The following SLC4A5 variants were observed in gnomAD, a reference collection of about 807,000 sequenced individuals.
SLC4A5 encodes the protein solute carrier family 4 member 5.
Under a neutral mutation model 120.4 loss-of-function variants are expected in SLC4A5, and 96 were observed. The observed-to-expected ratio is 0.80, with a 90% CI of 0.68 to 0.94. The LOEUF is 0.94. Among genes scored for constraint, SLC4A5 ranks in the 40% least tolerant of loss-of-function variants. The pLI, the probability that SLC4A5 is intolerant of heterozygous loss-of-function variation, is 0.00. For missense variants in SLC4A5, 1,259 were observed against 1,459.5 expected (o/e 0.86, Z 2.24); for synonymous variants, 550 against 571.1 (o/e 0.96, Z 0.53).
chr2:74,318,285 A>C (rs2104307575), intron 5 of SLC4A5, among the ~76,000 whole-genome samples: 1 of 152,346 alleles, frequency 6.6e-6, no homozygotes, highest in South Asian at 2.1e-4. Context: ...AAGACACATA[A>C]ATGGCCAACA....
chr2:74,333,567 C>T (rs1445124004), intron 4 of SLC4A5, among the ~76,000 whole-genome samples: 1 of 152,120 alleles, frequency 6.6e-6, no homozygotes, highest in Non-Finnish European at 1.5e-5. Flanking sequence ...ATTAGGTATT[C>T]GAAGTAATCT....
At chr2:74,307,947 G>T in intron 6 of SLC4A5, 1 of 531,758 alleles carries the variant, frequency 1.9e-6, no homozygotes, top group South Asian at 1.5e-5. Context: ...GTAGCTGGGT[G>T]GCTGGACAGA....
At chr2:74,309,546 G>C (rs1441611087) in intron 6 of SLC4A5, among the ~76,000 whole-genome samples, 1 of 151,930 alleles carries the variant, frequency 6.6e-6, no homozygotes, top group Non-Finnish European at 1.5e-5. Flanking sequence ...CAATATGTCA[G>C]CATCCAAAAA....
At chr2:74,241,895 G>T in intron 20 of SLC4A5, 99 bp downstream of exon 20, 1 of 1,089,426 alleles carries the variant, frequency 9.2e-7, no homozygotes, top group Non-Finnish European at 1.4e-6. Context: ...ACCTCTGCAA[G>T]TCTGGGAGGC....
intron 28 of SLC4A5, 88 bp downstream of exon 28, chr2:74,224,752 A>G (rs1414245562): frequency 1.3e-6 from 2 of 1,533,096 alleles, no homozygotes; most frequent in African/African-American, 1.4e-5. Flanking sequence ...CAGGCCACCC[A>G]AGAAGCCGCC....
chr2:74,281,056 A>C (rs562280134), intron 8 of SLC4A5, among the ~76,000 whole-genome samples: 1 of 152,266 alleles, frequency 6.6e-6, no homozygotes, highest in African/African-American at 2.4e-5. Flanking sequence ...TCCTGTATGG[A>C]GTGAGAGCAT....
intron 5 of SLC4A5, among the ~76,000 whole-genome samples, chr2:74,319,118 G>C (rs1053639793): frequency 1.2e-4 from 19 of 152,102 alleles, no homozygotes; most frequent in Admixed American, 9.2e-4. Context: ...GAAACAGAAA[G>C]ACAAATTCTG....
intron 7 of SLC4A5, among the ~76,000 whole-genome samples, chr2:74,299,045 G>A (rs1672404717): frequency 1.3e-5 from 2 of 152,136 alleles, no homozygotes; most frequent in Admixed American, 6.6e-5. Flanking sequence ...TTTTTCCCAT[G>A]TTCTCATGAT....
chr2:74,227,176 C>A, intron 26 of SLC4A5, 46 bp from the exon 27 acceptor site: 10 of 1,547,248 alleles, frequency 6.5e-6, no homozygotes, highest in Non-Finnish European at 8.7e-6. Context: ...ACCCCGAGGG[C>A]CCGCTGGGTC....
chr2:74,274,700 C>A (rs1671583923), intron 8 of SLC4A5, among the ~76,000 whole-genome samples: 2 of 152,190 alleles, frequency 1.3e-5, no homozygotes, highest in African/African-American at 4.8e-5. Context: ...CTAATGCTAA[C>A]CAAGATCACA....
intron 6 of SLC4A5, among the ~76,000 whole-genome samples, chr2:74,305,710 C>T (rs1340642870): frequency 6.7e-6 from 1 of 149,192 alleles, no homozygotes; most frequent in Non-Finnish European, 1.5e-5. Context: ...CCTCCAACTC[C>T]CTTTTCTTTC....
At chr2:74,291,931 C>T (rs1672185013) in intron 7 of SLC4A5, among the ~76,000 whole-genome samples, 1 of 152,140 alleles carries the variant, frequency 6.6e-6, no homozygotes, top group African/African-American at 2.4e-5. Context: ...CTGTGGGTGG[C>T]CTCAATACCC....
chr2:74,230,147 G>A (rs1392087856), intron 25 of SLC4A5, among the ~76,000 whole-genome samples: 1 of 152,078 alleles, frequency 6.6e-6, no homozygotes, highest in Admixed American at 6.5e-5. Context: ...GTCATGAGCT[G>A]TTTTGAGATA....
intron 3 of SLC4A5, among the ~76,000 whole-genome samples, chr2:74,336,726 T>G: frequency 6.6e-6 from 1 of 152,032 alleles, no homozygotes; most frequent in East Asian, 1.9e-4. Context: ...ATCTGAAAAA[T>G]TATAAAATCA....
intron 5 of SLC4A5, among the ~76,000 whole-genome samples, chr2:74,322,562 T>C (rs1673122687): frequency 6.6e-6 from 1 of 152,214 alleles, no homozygotes. Context: ...ATGATAGATA[T>C]ACATGTAGAT....
intron 22 of SLC4A5, 63 bp downstream of exon 22, chr2:74,235,038 G>T: frequency 7.7e-7 from 1 of 1,304,114 alleles, no homozygotes; most frequent in Non-Finnish European, 1.1e-6. Context: ...AGCACAGAGG[G>T]GAAAGAATCT....
chr2:74,277,290 C>A (rs574628475), intron 8 of SLC4A5, among the ~76,000 whole-genome samples: 174 of 152,342 alleles, frequency 1.1e-3, no homozygotes, highest in African/African-American at 3.9e-3. Context: ...TGGCTCACGC[C>A]TGTAATCCCA....
At chr2:74,237,980 T>C (rs1670321085) in intron 21 of SLC4A5, among the ~76,000 whole-genome samples, 1 of 152,014 alleles carries the variant, frequency 6.6e-6, no homozygotes, top group African/African-American at 2.4e-5. Flanking sequence ...CAGGCGCCTG[T>C]AGTCCCAGCT....
intron 12 of SLC4A5, among the ~76,000 whole-genome samples, chr2:74,259,113 A>C (rs1024293066): frequency 6.6e-6 from 1 of 152,112 alleles, no homozygotes; most frequent in African/African-American, 2.4e-5. Flanking sequence ...TCTCATCACG[A>C]GGGTTTCAGC....
Sources: gnomAD v4.1 joint callset for allele counts (sites outside exome capture counted in the v4.1 genomes callset) on GRCh38, gnomAD v4.1.1 for gene constraint, MANE v1.5 for transcripts, NCBI Gene and HGNC (gene_info 2026-07-23, HGNC 2026-07-21) for gene names.